Variants in PGAP2 observed in about 807,000 individuals in gnomAD.
The protein encoded by PGAP2 is post-GPI attachment to proteins 2.
PGAP2 carries 21 observed loss-of-function variants against 33.2 expected under a neutral mutation model. The observed-to-expected ratio is 0.63, with a 90% CI of 0.45 to 0.91. PGAP2 has a LOEUF of 0.91. Ranked by LOEUF, PGAP2 falls within the 40% of genes least tolerant of loss-of-function variation. PGAP2 has a pLI of 0.00. For missense variants in PGAP2, 345 were observed against 424.0 expected, an observed-to-expected ratio of 0.81 and a Z score of 1.64; for synonymous variants, 161 against 172.9, an observed-to-expected ratio of 0.93 and a Z score of 0.54.
At chr11:3,820,639 A>G (rs149106989) in intron 3 of PGAP2, among the ~76,000 whole-genome samples, 3,455 of 152,122 alleles carry the variant, frequency 0.023, 67 homozygotes, top group Non-Finnish European at 0.029. Context: ...CAGCCTAGGC[A>G]ACAAGAGTGA....
rs142937268 is a variant in PGAP2, at chr11:3,825,061, C to T, written c.750C>T (p.Ile250=). Residue 250 remains isoleucine, a synonymous_variant, in exon 6 of 7, where the codon ATC becomes ATT. Coordinates refer to ENST00000278243, the MANE Select transcript of PGAP2 (RefSeq NM_014489.4). ...GCTGGAAACAGCGGCTCTTCATCAT[C>T]AACTTCATCTCCTTCTTCTCGGCGC... ...SYSWKQRLFI[I]NFISFFSALA... The T allele has an allele frequency of 8.7e-6, 14 of 1,614,072 alleles. No individual in the cohort carries two copies. In the African/African-American group the frequency reaches 1.9e-4, roughly 22 times the overall value.
chr11:3,820,493 AC>A (rs759627904), intron 3 of PGAP2, among the ~76,000 whole-genome samples: 1 of 152,082 alleles, frequency 6.6e-6, no homozygotes, highest in Admixed American at 6.6e-5. Flanking sequence ...ACATGGTGAA[AC>A]CCCATCTCTA....
chr11:3,814,720 T>TTTC, intron 2 of PGAP2, among the ~76,000 whole-genome samples: 1 of 117,128 alleles, frequency 8.5e-6, no homozygotes, highest in East Asian at 3.5e-4. Context: ...GCCCAAGCTT[T>TTTC]TTCTTTCCTT....
At chr11:3,798,184 A>T in intron 1 of PGAP2, 1 of 1,332,920 alleles carries the variant, frequency 7.5e-7, no homozygotes, top group East Asian at 3.0e-5. Context: ...TGCTCGCCCC[A>T]GCACTTTCTT....
chr11:3,817,490 G>T lies in PGAP2; in HGVS notation c.303G>T (p.Trp101Cys). 1 of 1,614,178 alleles carries T rather than the reference G, an allele frequency of 6.2e-7. No individual in the cohort carries two copies. The highest frequency in any genetic ancestry group is 1.1e-5 in the South Asian group (1 of 91,080). ...TCGGCTTCTTCTTCTGCATCATCTG[G>T]TCCCTGGTGTTCCACTTTGAGTACA... ...PVFGFFFCII[W>C]SLVFHFEYTV... is the part of the protein sequence containing the mutation. Residue 101 changes from tryptophan to cysteine, a missense_variant, in exon 3 of 7, where the codon TGG becomes TGT. Trp to Cys is a radical substitution (Grantham distance 215, BLOSUM62 -2). Around this residue, in one of 2 missense-constraint regions of PGAP2, gnomAD observed 311 missense variants for 353.6 expected, o/e 0.88. Coordinates refer to ENST00000278243, the MANE Select transcript of PGAP2 (RefSeq NM_014489.4).
At chr11:3,805,714 G>A (rs2084203524), upstream of PGAP2, among the ~76,000 whole-genome samples, 1 of 150,988 alleles carries the variant, frequency 6.6e-6, no homozygotes, top group South Asian at 2.1e-4. Context: ...TTGAGACACG[G>A]TCTTGCTCTG....
Position 3,826,118 on chromosome 11 carries a change from A to T in PGAP2, c.*660A>T, listed in dbSNP as rs1001003750. 1 of 152,242 alleles carries T rather than the reference A, an allele frequency of 6.6e-6. No homozygotes were observed. The highest frequency in any genetic ancestry group is 1.5e-5 in the Non-Finnish European group (1 of 68,156). 9.4% of individuals were successfully genotyped at this position (152,242 alleles called of 1,614,324 possible). A position where few individuals can be genotyped will look rare whatever the true frequency, so the allele number is the denominator to read the frequency against. On this transcript the variant is annotated 3_prime_UTR_variant, in exon 7 of 7. Transcript: ENST00000278243. ...GGGTGGAGGTGGTGTTCTATACCTA[A>T]AGGATGACCTGCTCCAGAAACAGCA...
chr11:3,825,650 G>C lies in PGAP2; in HGVS notation c.*192G>C. 1 of 531,966 alleles carries C rather than the reference G, an allele frequency of 1.9e-6. No individual in the cohort carries two copies. 33.0% of individuals were successfully genotyped at this position (531,966 alleles called of 1,614,324 possible). ...CCTCTCCACCCCTCATATGGGCGTG[G>C]GGTCCTCAAACATCACCTTTACCTG... On this transcript the variant is annotated 3_prime_UTR_variant, in exon 7 of 7. Coordinates refer to ENST00000278243, the MANE Select transcript of PGAP2 (RefSeq NM_014489.4).
chr11:3,809,239 G>T lies in PGAP2; in HGVS notation c.-11+588G>T, dbSNP rs967065011. Among the ~76,000 whole-genome samples the T allele has an allele frequency of 1.3e-5, 2 of 152,196 alleles. 1 individual carries two copies. Among genetic ancestry groups the T allele is most frequent in the South Asian group, 4.1e-4 (2 of 4,828 alleles). On this transcript the variant is annotated intron_variant, in intron 1 of 6. Transcript: ENST00000278243. ...TCCAAAGAAAGCAATTTTCAGCTAA[G>T]TAGTACCTGTGAGGAATGTAGAACT...
intron 3 of PGAP2, 43 bp downstream of exon 3, chr11:3,817,578 G>C: frequency 4.6e-6 from 7 of 1,524,234 alleles, no homozygotes; most frequent in Middle Eastern, 1.7e-4. Flanking sequence ...GCCAGGTCAG[G>C]AGGTGGCAGT....
At chr11:3,821,546 T>C (rs12416891) in intron 3 of PGAP2, among the ~76,000 whole-genome samples, 1 of 150,550 alleles carries the variant, frequency 6.6e-6, no homozygotes, top group Non-Finnish European at 1.5e-5. Flanking sequence ...TCACCAGAGG[T>C]CAGGAGTTCT....
chr11:3,798,474 C>A (rs577488888), intron 1 of PGAP2, among the ~76,000 whole-genome samples: 1 of 152,136 alleles, frequency 6.6e-6, no homozygotes, highest in East Asian at 1.9e-4. Context: ...GGATTACAGG[C>A]GTCCGCCACC....
At position 3,817,406 on chromosome 11, in the gene PGAP2, G is replaced by C; in HGVS notation, c.219G>C (p.Gly73=). 6.2e-7 allele frequency: 1 copy of C among 1,614,136 alleles called. No individual in the cohort carries two copies. Among genetic ancestry groups the C allele is most frequent in the Non-Finnish European group, 8.5e-7 (1 of 1,180,020 alleles). ...CCTCCCAGCCTTTGGACCCCGATGG[G>C]ACCTTGTTCCGGCTTCGCTTCACAG... The part of the protein sequence containing the change: ...SAASQPLDPD[G]TLFRLRFTAM... Residue 73 remains glycine, a synonymous_variant, in exon 3 of 7, where the codon GGG becomes GGC. Coordinates refer to ENST00000278243, the MANE Select transcript of PGAP2 (RefSeq NM_014489.4).
chr11:3,819,540 T>G (rs1298820113), intron 3 of PGAP2, among the ~76,000 whole-genome samples: 1 of 152,066 alleles, frequency 6.6e-6, no homozygotes, highest in East Asian at 1.9e-4. Context: ...GGGGGACTTT[T>G]ACCTGAGGCC....
chr11:3,812,474 G>T (rs2085791688), intron 2 of PGAP2, among the ~76,000 whole-genome samples: 1 of 152,146 alleles, frequency 6.6e-6, no homozygotes, highest in Admixed American at 6.5e-5. Context: ...CTCCTTCCCA[G>T]GGCTAGTGTA....
In PGAP2 at chr11:3,824,713, C is replaced by G; in HGVS notation, c.709-307C>G. The stretch of plus-strand genomic sequence containing the variant: ...ATAATTCCAGCGCCCCACCCATGTA[C>G]ATGGGTTTCTTTTCCCCCACAGTAT... On this transcript the variant is annotated intron_variant, in intron 5 of 6. Transcript: ENST00000278243. The G allele has an allele frequency of 3.8e-6, 4 of 1,065,516 alleles. No individual in the cohort carries two copies. The South Asian group carries it at 6.9e-5, about 18-fold the overall frequency. The allele number at this position is 1,065,516 out of a possible 1,614,324, so 66.0% of individuals were successfully genotyped here.
chr11:3,799,309 G>GGGCAGATTATTTGAGGCC (rs1169037835), intron 1 of PGAP2, among the ~76,000 whole-genome samples: 1 of 152,070 alleles, frequency 6.6e-6, no homozygotes, highest in Non-Finnish European at 1.5e-5. Flanking sequence ...ATGCTGAGGC[G>GGGCAGATTATTTGAGGCC]GGCAGATTAT....
In PGAP2 at chr11:3,825,512, C is replaced by T. The variant is rs946564090; in HGVS notation, c.*54C>T. ...GCCCACTGCCCAGAAACAAGAAACA[C>T]GATACCATTCTGGCCTTCCCCACCC... On this transcript the variant is annotated 3_prime_UTR_variant, in exon 7 of 7. Transcript: ENST00000278243. 2.1e-5 allele frequency: 33 copies of T among 1,573,598 alleles called. No individual in the cohort carries two copies. Among genetic ancestry groups the T allele is most frequent in the Admixed American group, 5.4e-5 (3 of 55,356 alleles).
chr11:3,808,198 G>T, upstream of PGAP2: 1 of 1,499,300 alleles, frequency 6.7e-7, no homozygotes, highest in Non-Finnish European at 9.1e-7. Context: ...GGCGAGGCTG[G>T]ATAGTTCGGT....
Sources: allele counts gnomAD v4.1 joint callset (sites outside exome capture counted in the v4.1 genomes callset), GRCh38; gene constraint gnomAD v4.1.1; regional missense constraint gnomAD v4.1.1; transcripts MANE v1.5; gene names NCBI Gene and HGNC (gene_info 2026-07-23, HGNC 2026-07-21).